The following ESR1 variants were observed in gnomAD, a reference collection of about 807,000 sequenced individuals.
The protein encoded by ESR1 is estrogen receptor.
ESR1 carries 12 observed loss-of-function variants against 52.7 expected under a neutral mutation model. The ratio of observed to expected loss-of-function variants is 0.23; its 90% CI spans 0.15 to 0.37. The LOEUF is 0.37. ESR1 is among the 10% of genes least tolerant of loss of function. The probability of loss-of-function intolerance (pLI) is 1.00; values close to 1 mark genes in which losing one functional copy is unlikely to be tolerated. For synonymous variants in ESR1, 305 were observed against 316.8 expected (o/e 0.96, Z 0.39); for missense variants, 584 against 779.7 (o/e 0.75, Z 2.99).
At chr6:151,728,016 A>G (rs1296272785) in intron 2 of ESR1, among the ~76,000 whole-genome samples, 1 of 152,182 alleles carries the variant, frequency 6.6e-6, no homozygotes, top group Non-Finnish European at 1.5e-5. Flanking sequence ...ATGGCAGGGG[A>G]AGGCCAAGCA....
At chr6:151,912,014 C>T (rs141142446) in intron 3 of ESR1, among the ~76,000 whole-genome samples, 53 of 152,310 alleles carry the variant, frequency 3.5e-4, no homozygotes, top group Non-Finnish European at 6.8e-4. Flanking sequence ...ATAAGTTCAA[C>T]ACCTCAGTTG....
At chr6:151,779,899 CAAA>C (rs1192077755) in intron 2 of ESR1, among the ~76,000 whole-genome samples, 4 of 44,746 alleles carry the variant, frequency 8.9e-5, no homozygotes, top group Non-Finnish European at 1.4e-4. Flanking sequence ...GACTCCGTCT[CAAA>C]AAAAAAAAAA....
rs1351681132 is a variant in ESR1, at chr6:151,762,248, T to A, written c.-70-45595T>A. On this transcript the variant is annotated intron_variant, in intron 2 of 2. Transcript: ENST00000404742. ...ATCTATTCTTTCATGCATGGGCTTA[T>A]CCTATGAGAAATAAACATTTACTAA... is the stretch of plus-strand genomic sequence containing the variant. 2.6e-5 allele frequency among the ~76,000 whole-genome samples: 4 copies of A among 152,248 alleles called. No homozygotes were observed. The East Asian group carries it at 7.7e-4, about 29-fold the overall frequency.
intron 2 of ESR1, among the ~76,000 whole-genome samples, chr6:151,876,881 C>T (rs1364027666): frequency 6.6e-6 from 1 of 151,956 alleles, no homozygotes; most frequent in Non-Finnish European, 1.5e-5. Flanking sequence ...GTGGCTTTGG[C>T]CCTATGGGCT....
intron 5 of ESR1, among the ~76,000 whole-genome samples, chr6:152,015,286 A>G (rs1327999318): frequency 6.6e-6 from 1 of 152,090 alleles, no homozygotes; most frequent in Non-Finnish European, 1.5e-5. Flanking sequence ...AGTCATATCT[A>G]CCTATAAGGC....
At chr6:151,758,202 A>T (rs567911360) in intron 2 of ESR1, among the ~76,000 whole-genome samples, 9 of 152,240 alleles carry the variant, frequency 5.9e-5, no homozygotes, top group Non-Finnish European at 1.0e-4. Context: ...AAATAGAGGT[A>T]GCAAAATGGA....
At chr6:151,792,977 T>C (rs796722176) in intron 2 of ESR1, among the ~76,000 whole-genome samples, 31 of 152,186 alleles carry the variant, frequency 2.0e-4, no homozygotes, top group African/African-American at 6.0e-4. Context: ...GAGACCATCC[T>C]GGCTAACACG....
intron 2 of ESR1, among the ~76,000 whole-genome samples, chr6:151,878,725 T>C (rs1792274743): frequency 6.6e-6 from 1 of 152,200 alleles, no homozygotes; most frequent in Admixed American, 6.5e-5. Flanking sequence ...TGTTTTACAA[T>C]AGTATACATA....
At chr6:152,010,865 T>C (rs568135385) in intron 4 of ESR1, among the ~76,000 whole-genome samples, 82 of 151,404 alleles carry the variant, frequency 5.4e-4, no homozygotes, top group African/African-American at 1.9e-3. Context: ...AACCTTCTCC[T>C]CCTTCTCCTC....
At chr6:152,019,132 T>C (rs1397698756) in intron 5 of ESR1, among the ~76,000 whole-genome samples, 2 of 152,194 alleles carry the variant, frequency 1.3e-5, no homozygotes, top group Non-Finnish European at 1.5e-5. Flanking sequence ...AAAGGAGAAG[T>C]GAGCCAAACT....
intron 3 of ESR1, among the ~76,000 whole-genome samples, chr6:151,915,865 C>G (rs2029991492): frequency 6.6e-6 from 1 of 152,050 alleles, no homozygotes; most frequent in Non-Finnish European, 1.5e-5. Flanking sequence ...CTCTCTCTCT[C>G]TCTCTATAGG....
intron 4 of ESR1, among the ~76,000 whole-genome samples, chr6:151,993,856 C>A (rs2041247580): frequency 6.6e-6 from 1 of 152,082 alleles, no homozygotes; most frequent in South Asian, 2.1e-4. Flanking sequence ...GGACACACTG[C>A]CACTTAATAT....
intron 1 of ESR1, among the ~76,000 whole-genome samples, chr6:151,662,795 T>C (rs1202042952): frequency 6.6e-6 from 1 of 152,224 alleles, no homozygotes; most frequent in Non-Finnish European, 1.5e-5. Flanking sequence ...AAGAAGAGTT[T>C]TCGAAGTCTT....
chr6:151,695,590 G>A (rs546979763), intron 1 of ESR1, among the ~76,000 whole-genome samples: 214 of 152,234 alleles, frequency 1.4e-3, no homozygotes, highest in Non-Finnish European at 2.7e-3. Flanking sequence ...TTTTGCAAAC[G>A]GATGATCTGC....
chr6:151,970,792 C>A (rs1308699555), intron 4 of ESR1, among the ~76,000 whole-genome samples: 1 of 152,150 alleles, frequency 6.6e-6, no homozygotes, highest in Non-Finnish European at 1.5e-5. Context: ...TGAATTCACT[C>A]ATTTACCTCA....
chr6:151,775,902 A>T (rs1280920420), intron 2 of ESR1, among the ~76,000 whole-genome samples: 1 of 152,238 alleles, frequency 6.6e-6, no homozygotes, highest in African/African-American at 2.4e-5. Flanking sequence ...AAGAAACGTC[A>T]GGCCCAGGGG....
intron 5 of ESR1, among the ~76,000 whole-genome samples, chr6:152,045,719 T>C (rs915858782): frequency 6.6e-6 from 1 of 151,602 alleles, no homozygotes; most frequent in African/African-American, 2.4e-5. Flanking sequence ...ATATTACTAT[T>C]GTTAGTGTTG....
chr6:151,792,529 T>C (rs1352033929), intron 2 of ESR1, among the ~76,000 whole-genome samples: 1 of 152,030 alleles, frequency 6.6e-6, no homozygotes, highest in African/African-American at 2.4e-5. Context: ...AACATTGAAC[T>C]CCTAGGCTTA....
intron 2 of ESR1, among the ~76,000 whole-genome samples, chr6:151,722,494 T>C (rs1781532855): frequency 6.6e-6 from 1 of 152,150 alleles, no homozygotes; most frequent in Admixed American, 6.5e-5. Context: ...GCTTTGTCCT[T>C]GTGTGGGAAA....
Sources: gnomAD v4.1 joint callset for allele counts (sites outside exome capture counted in the v4.1 genomes callset) on GRCh38, gnomAD v4.1.1 for gene constraint, MANE v1.5 for transcripts, NCBI Gene and HGNC (gene_info 2026-07-23, HGNC 2026-07-21) for gene names.